The following STK36 variants were observed in gnomAD, a reference collection of about 807,000 sequenced individuals.
STK36 encodes the protein serine/threonine kinase 36.
Under a neutral mutation model 142.2 loss-of-function variants are expected in STK36, and 116 were observed. The ratio of observed to expected loss-of-function variants is 0.82; its 90% confidence interval spans 0.70 to 0.95. STK36 has a LOEUF of 0.95. STK36 is among the 40% of genes least tolerant of loss of function. The pLI is 0.00. For missense variants in STK36, 1,422 were observed against 1,617.2 expected (o/e 0.88, Z 2.07); for synonymous variants, 619 against 641.7 (o/e 0.96, Z 0.53).
At position 218,676,286 on chromosome 2, in the gene STK36, A is replaced by G. The variant is rs377729892; in HGVS notation, c.684+8A>G. The G allele has an allele frequency of 1.4e-5, 22 of 1,613,698 alleles. No individual in the cohort carries two copies. The South Asian group carries it at 1.4e-4, about 10-fold the overall frequency. On this transcript the variant is annotated splice_region_variant and intron_variant, in intron 6 of 26. Coordinates refer to ENST00000295709, the MANE Select transcript of STK36 (RefSeq NM_015690.5). Reference sequence around the variant, plus strand: ...ATCAGTCCCTGCTTTAAGGTAATGAATATTGAAAGGGAGATGACTTTTACA... The same window carrying G: ...ATCAGTCCCTGCTTTAAGGTAATGAGTATTGAAAGGGAGATGACTTTTACA...
chr2:218,676,151 T>C lies in STK36; in HGVS notation c.557T>C (p.Val186Ala). ...PYDHTADLWS[V>A]GCILYELAVG... ...GACCACACAGCGGACCTCTGGTCTG[T>C]TGGCTGCATACTATATGAACTGGCA... Residue 186 changes from valine (V) to alanine (A), a missense_variant, in exon 6 of 27, where the codon GTT becomes GCT. Around this residue, in one of 2 missense-constraint regions of STK36, gnomAD observed 460 missense variants for 449.6 expected, o/e 1.02. Coordinates refer to ENST00000295709, the MANE Select transcript of STK36 (RefSeq NM_015690.5). 1 of 1,614,172 alleles carries C rather than the reference T, an allele frequency of 6.2e-7. No individual in the cohort carries two copies. The highest frequency in any genetic ancestry group is 8.5e-7 in the Non-Finnish European group (1 of 1,180,028).
At position 218,672,764 on chromosome 2, in the gene STK36, T is replaced by C. The variant is rs1392953853; in HGVS notation, c.-66T>C. On this transcript the variant is annotated 5_prime_UTR_variant, in exon 2 of 27. Coordinates refer to ENST00000295709, the MANE Select transcript of STK36 (RefSeq NM_015690.5). ...AGGCGTCCCAGATGTTGTGGAACTG[T>C]CCCTGGATCTATAGCTCTTCACCGT... 4 of 1,533,128 alleles carry C rather than the reference T, an allele frequency of 2.6e-6. No homozygotes were observed. Among genetic ancestry groups the C allele is most frequent in the East Asian group, 4.5e-5 (2 of 44,472 alleles). 95.0% of individuals were successfully genotyped at this position (1,533,128 alleles called of 1,614,324 possible). A position where few individuals can be genotyped will look rare whatever the true frequency, so the allele number is the denominator to read the frequency against.
chr2:218,676,284 G>A lies in STK36; in HGVS notation c.684+6G>A, dbSNP rs1940240953. 6.2e-7 allele frequency: 1 copy of A among 1,613,808 alleles called. No individual in the cohort carries two copies. Among genetic ancestry groups the A allele is most frequent in the South Asian group, 1.1e-5 (1 of 91,058 alleles). On this transcript the variant is annotated splice_donor_region_variant and intron_variant, in intron 6 of 26. Transcript: ENST00000295709. ...CCATCAGTCCCTGCTTTAAGGTAAT[G>A]AATATTGAAAGGGAGATGACTTTTA... is the stretch of plus-strand genomic sequence containing the variant.
At chr2:218,688,551 C>T (rs2106356986) in intron 11 of STK36, 146 bp from the exon 12 acceptor site, 1 of 915,656 alleles carries the variant, frequency 1.1e-6, no homozygotes, top group East Asian at 2.5e-5. Flanking sequence ...TCCCTGCTTT[C>T]CTTCTCTGTG....
In STK36 at chr2:218,696,587, C is replaced by G; in HGVS notation, c.2572C>G (p.Gln858Glu). ...FYDGLLILLL[Q>E]LLTEQGKASL... is the part of the protein sequence containing the mutation. The stretch of plus-strand genomic sequence containing the variant: ...TGATGGCCTCCTTATCCTTCTGTTG[C>G]AGCTCCTCACTGAGGTACAGATGGA... Residue 858 changes from glutamine to glutamate, a missense_variant, in exon 22 of 27, where the codon CAG becomes GAG. Physicochemically the swap from Gln to Glu is conservative, Grantham distance 29. Around this residue, in one of 2 missense-constraint regions of STK36, gnomAD observed 962 missense variants for 1,167.5 expected, o/e 0.82. Transcript: ENST00000295709. The G allele has an allele frequency of 6.2e-7, 1 of 1,614,132 alleles. No homozygotes were observed. Among genetic ancestry groups the G allele is most frequent in the Non-Finnish European group, 8.5e-7 (1 of 1,179,978 alleles).
rs746027761 is a variant in STK36 at position 218,694,552 on chromosome 2, C to T, written c.2428C>T (p.Leu810Phe). The T allele has an allele frequency of 6.2e-7, 1 of 1,614,236 alleles. No homozygotes were observed. The highest frequency in any genetic ancestry group is 1.1e-5 in the South Asian group (1 of 91,090). The change falls in exon 21 of 27, where the codon CTT becomes TTT. Residue 810 changes from leucine to phenylalanine, a missense_variant. Leu to Phe is a conservative substitution (Grantham distance 22, BLOSUM62 0). Around this residue, in one of 2 missense-constraint regions of STK36, gnomAD observed 962 missense variants for 1,167.5 expected, o/e 0.82. Coordinates refer to ENST00000295709, the MANE Select transcript of STK36 (RefSeq NM_015690.5). This position sits in a 1 kb window ranked among gnomAD's most constrained non-coding sequence, Gnocchi z 4.4. ...TGCAGCAGCCTGTCTATTGGGACAG[C>T]TTGGTCAGCAAGGGGTGACCTTTGA... Reference protein sequence around the residue: ...VSAAACLLGQLGQQGVTFDLQ... With the variant: ...VSAAACLLGQFGQQGVTFDLQ...
rs546143825 is a variant in STK36, at chr2:218,692,672, C to T, written c.2005C>T (p.Pro669Ser). Residue 669 changes from proline to serine, a missense_variant, in exon 16 of 27, where the codon CCT (proline) becomes TCT (serine). By Grantham distance (74) the Pro-to-Ser change is moderately conservative. This residue lies in a region of STK36 where 962 missense variants were observed against 1,167.5 expected (regional missense o/e 0.82). Transcript: ENST00000295709. The part of the protein sequence containing the change: ...SSALAAICTA[P>S]VGLPDCWDAK... ...TGCCCTGGCAGCCATATGCACTGCT[C>T]CTGTGGGACTGCCCGACTGCTGGGA... The T allele has an allele frequency of 2.2e-5, 36 of 1,613,504 alleles. No individual in the cohort carries two copies. In the South Asian group the frequency reaches 3.6e-4, roughly 16 times the overall value.
Position 218,680,026 on chromosome 2 carries a change from A to G in STK36, c.1082A>G (p.Glu361Gly), listed in dbSNP as rs757149685. The G allele has an allele frequency of 2.5e-6, 4 of 1,614,166 alleles. No homozygotes were observed. Among genetic ancestry groups the G allele is most frequent in the Non-Finnish European group, 3.4e-6 (4 of 1,180,032 alleles). The change falls in exon 9 of 27, where the codon GAA becomes GGA. Residue 361 changes from glutamate to glycine, a missense_variant. By Grantham distance (98) the Glu-to-Gly change is moderately conservative (BLOSUM62 -2). This residue lies in a region of STK36 where 962 missense variants were observed against 1,167.5 expected (regional missense o/e 0.82). Transcript: ENST00000295709. ...CTCCTGGCCGGGATCTTAGCCTCAGAATTGAAGAGCAGCTGGGCTAAATCA... is the reference window on the plus strand; with the variant it reads ...CTCCTGGCCGGGATCTTAGCCTCAGGATTGAAGAGCAGCTGGGCTAAATCA... ...SSLLAGILAS[E>G]LKSSWAKSGT... is the part of the protein sequence containing the mutation.
intron 17 of STK36, 115 bp from the exon 18 acceptor site, chr2:218,693,608 C>A: frequency 9.7e-7 from 1 of 1,025,658 alleles, no homozygotes; most frequent in African/African-American, 1.6e-5. Context: ...CTCTCACACT[C>A]CCAAGTGTGG....
At chr2:218,688,592 A>T in intron 11 of STK36, 105 bp from the exon 12 acceptor site, 1 of 1,241,084 alleles carries the variant, frequency 8.1e-7, no homozygotes, top group African/African-American at 1.5e-5. Context: ...GAATGCAAGC[A>T]TGTGGTCTGC....
In STK36 at chr2:218,693,320, C is replaced by T. The variant is rs1190339308; in HGVS notation, c.2124C>T (p.Pro708=). ...CCCTCATCTCTGGCCTGCAGCATCC[C>T]ATCCTGTGCCTGCACCTTCTCAAGG... ...RPSLISGLQH[P]ILCLHLLKVL... is the part of the protein sequence containing the mutation. Residue 708 remains proline (P), a synonymous_variant, in exon 17 of 27, where the codon CCC becomes CCT. Coordinates refer to ENST00000295709, the MANE Select transcript of STK36 (RefSeq NM_015690.5). 1.9e-6 allele frequency: 3 copies of T among 1,614,166 alleles called. No homozygotes were observed. Among genetic ancestry groups the T allele is most frequent in the South Asian group, 1.1e-5 (1 of 91,084 alleles).
At chr2:218,689,563 G>A (rs946366363) in intron 12 of STK36, among the ~76,000 whole-genome samples, 4 of 152,198 alleles carry the variant, frequency 2.6e-5, no homozygotes, top group Admixed American at 1.3e-4. Flanking sequence ...CTTTGTTGAT[G>A]AGTATTAATC....
chr2:218,685,289 A>G, intron 11 of STK36, 61 bp downstream of exon 11: 1 of 1,594,160 alleles, frequency 6.3e-7, no homozygotes, highest in Non-Finnish European at 8.6e-7. Flanking sequence ...GGAGCATTGA[A>G]ATACACTGAC....
chr2:218,673,257 A>G (rs1264623543), intron 2 of STK36: 1 of 366,242 alleles, frequency 2.7e-6, no homozygotes, highest in Non-Finnish European at 4.9e-6. Flanking sequence ...TTAGTAAACA[A>G]CAAATATTAT....
rs1941120117 is a variant in STK36 at position 218,694,003 on chromosome 2, G to A, written c.2336+20G>A. 6.2e-7 allele frequency: 1 copy of A among 1,611,964 alleles called. No individual in the cohort carries two copies. Among genetic ancestry groups the A allele is most frequent in the Non-Finnish European group, 8.5e-7 (1 of 1,178,144 alleles). ...TTGTGGGTAAGTCATAAAGTAGGGT[G>A]TCTCCACAGAAGTCTTCTAGCCACA... is the stretch of plus-strand genomic sequence containing the variant. On this transcript the variant is annotated intron_variant, in intron 19 of 26. Transcript: ENST00000295709. The surrounding 1 kb of genome is among the most constrained non-coding windows in gnomAD (Gnocchi z 4.4).
rs1280370687 is a variant in STK36, at chr2:218,696,450, C to T, written c.2512-77C>T. 15 of 1,262,376 alleles carry T rather than the reference C, an allele frequency of 1.2e-5. No homozygotes were observed. The Admixed American group carries it at 1.7e-4, about 14-fold the overall frequency. 78.2% of individuals were successfully genotyped at this position (1,262,376 alleles called of 1,614,324 possible). Reference sequence around the variant, plus strand: ...CTCAAATCTGTTCCCTCCATGGCACCATCACTGACCTGCCTTGGTTTAACG... The same window carrying T: ...CTCAAATCTGTTCCCTCCATGGCACTATCACTGACCTGCCTTGGTTTAACG... On this transcript the variant is annotated intron_variant, in intron 21 of 26. Coordinates refer to ENST00000295709, the MANE Select transcript of STK36 (RefSeq NM_015690.5).
chr2:218,697,803 G>A (rs773989142), intron 24 of STK36, 51 bp from the exon 25 acceptor site: 10 of 1,613,086 alleles, frequency 6.2e-6, no homozygotes, highest in Non-Finnish European at 8.5e-6. Flanking sequence ...AGGGAGGAAT[G>A]ATAAAGGTTA....
intron 26 of STK36, among the ~76,000 whole-genome samples, chr2:218,700,948 G>T (rs1377459842): frequency 6.6e-6 from 1 of 150,454 alleles, no homozygotes; most frequent in Non-Finnish European, 1.5e-5. Context: ...GGAGGAGGAG[G>T]TTGCAGTGAG....
intron 16 of STK36, 104 bp from the exon 17 acceptor site, chr2:218,693,136 G>A: frequency 1.1e-6 from 1 of 943,460 alleles, no homozygotes; most frequent in Non-Finnish European, 1.6e-6. Flanking sequence ...AATGTGGGAA[G>A]AGTGACTAGG....
Sources: gnomAD v4.1 joint callset for allele counts (sites outside exome capture counted in the v4.1 genomes callset) on GRCh38, gnomAD v4.1.1 for gene constraint, gnomAD v4.1.1 regional missense constraint, Gnocchi (gnomAD v3.1) non-coding constraint, MANE v1.5 for transcripts, NCBI Gene and HGNC (gene_info 2026-07-23, HGNC 2026-07-21) for gene names.